Variants in ARHGAP18 observed in about 807,000 individuals in gnomAD.
ARHGAP18 encodes the protein rho GTPase-activating protein 18.
In ARHGAP18, 67 loss-of-function variants were observed where a neutral mutation model predicts 86.2. That is an observed-to-expected ratio of 0.78 (90% CI 0.64 to 0.95). The LOEUF (loss-of-function observed/expected upper bound fraction) is 0.95, where lower values mean the gene tolerates loss of function less well. ARHGAP18 is among the 40% of genes least tolerant of loss of function. The probability of loss-of-function intolerance (pLI) is 0.00; values close to 1 mark genes in which losing one functional copy is unlikely to be tolerated. For synonymous variants in ARHGAP18, 283 were observed against 280.4 expected (o/e 1.01, Z -0.09); for missense variants, 691 against 780.4 (o/e 0.89, Z 1.37).
chr6:129,616,387 T>C, intron 6 of ARHGAP18, 84 bp from the exon 7 acceptor site: 1 of 1,088,870 alleles, frequency 9.2e-7, no homozygotes, highest in Non-Finnish European at 1.3e-6. Context: ...AGATTTCTGA[T>C]ACTGTCGATC....
At chr6:129,633,198 C>T (rs1341724024) in intron 4 of ARHGAP18, among the ~76,000 whole-genome samples, 1 of 150,914 alleles carries the variant, frequency 6.6e-6, no homozygotes, top group East Asian at 1.9e-4. Context: ...GAGGCCCAGG[C>T]AGGCAGATCA....
At chr6:129,601,213 T>G (rs1788735669) in intron 10 of ARHGAP18, among the ~76,000 whole-genome samples, 1 of 152,232 alleles carries the variant, frequency 6.6e-6, no homozygotes, top group Non-Finnish European at 1.5e-5. Context: ...ATGCTGTACT[T>G]TCCTATGTAG....
chr6:129,601,863 A>C (rs924826398), intron 10 of ARHGAP18, among the ~76,000 whole-genome samples: 2 of 151,732 alleles, frequency 1.3e-5, no homozygotes, highest in African/African-American at 4.9e-5. Flanking sequence ...CTTGAGTTCA[A>C]GAAACACTTC....
chr6:129,650,172 C>T (rs770464542), intron 1 of ARHGAP18, among the ~76,000 whole-genome samples: 1 of 151,696 alleles, frequency 6.6e-6, no homozygotes. Context: ...GATCTGCCCA[C>T]CTAGGCCTCC....
intron 1 of ARHGAP18, among the ~76,000 whole-genome samples, chr6:129,655,702 A>C (rs1379051915): frequency 6.6e-6 from 1 of 152,238 alleles, no homozygotes; most frequent in Non-Finnish European, 1.5e-5. Flanking sequence ...AGTAAAATGC[A>C]GTTTTTATAA....
intron 1 of ARHGAP18, among the ~76,000 whole-genome samples, chr6:129,663,645 AACAC>A (rs529277181): frequency 4.3e-4 from 66 of 152,348 alleles, no homozygotes; most frequent in Non-Finnish European, 8.7e-4. Flanking sequence ...TGACAGAGGA[AACAC>A]ATTACTCTTC....
At chr6:129,656,862 C>T (rs1350181290) in intron 1 of ARHGAP18, among the ~76,000 whole-genome samples, 8 of 152,162 alleles carry the variant, frequency 5.3e-5, no homozygotes, top group Admixed American at 3.9e-4. Flanking sequence ...TTATATTAAT[C>T]CCCTCCTGGG....
chr6:129,614,004 T>C (rs986489371), intron 7 of ARHGAP18, among the ~76,000 whole-genome samples: 2 of 152,152 alleles, frequency 1.3e-5, no homozygotes, highest in South Asian at 2.1e-4. Flanking sequence ...GTGAAAACAC[T>C]AGATTTGATA....
At chr6:129,667,469 ATGTGTGTGTGTGTGTGTGTGTGTG>A (rs376500003) in intron 1 of ARHGAP18, among the ~76,000 whole-genome samples, 2 of 104,174 alleles carry the variant, frequency 1.9e-5, no homozygotes, top group African/African-American at 7.4e-5. Context: ...AAAAATATAT[ATGTGTGTGTGTGTGTGTGTGTGTG>A]TGTGTGTGTG....
At position 129,593,375 on chromosome 6, in the gene ARHGAP18, C is replaced by A. The variant is rs368808239; in HGVS notation, c.1713+5841G>T. Among the ~76,000 whole-genome samples, 14 of 152,212 alleles carry A rather than the reference C, an allele frequency of 9.2e-5. No individual in the cohort carries two copies. The South Asian group carries it at 2.9e-3, about 32-fold the overall frequency. On this transcript the variant is annotated intron_variant, in intron 12 of 14. Transcript: ENST00000368149. ...ACTCATGAGGCTGAGGTGGGAGGAT[C>A]CCTTGAGCCTGCAACTTTGAGGTTA...
In ARHGAP18 at chr6:129,605,580, G is replaced by A. The variant is rs558071682; in HGVS notation, c.1365+297C>T. On this transcript the variant is annotated intron_variant, in intron 10 of 14. Transcript: ENST00000368149. ...TAAATGCAAAAAAAAGAAATAAGAA[G>A]GAGAAAAAAAACAAAAAACCACCCA... Among the ~76,000 whole-genome samples, 3 of 151,558 alleles carry A rather than the reference G, an allele frequency of 2.0e-5. No homozygotes were observed. In the South Asian group the frequency reaches 6.3e-4, roughly 32 times the overall value.
At chr6:129,613,489 T>G (rs1010908223) in intron 7 of ARHGAP18, among the ~76,000 whole-genome samples, 1 of 152,218 alleles carries the variant, frequency 6.6e-6, no homozygotes, top group South Asian at 2.1e-4. Context: ...AATTGTATGC[T>G]AGCTGCTGGA....
At chr6:129,669,638 A>G (rs1384496380) in intron 1 of ARHGAP18, among the ~76,000 whole-genome samples, 1 of 151,860 alleles carries the variant, frequency 6.6e-6, no homozygotes, top group East Asian at 1.9e-4. Context: ...ATACAAAATT[A>G]GCTGGGCATG....
chr6:129,625,633 AT>A (rs1375401538), intron 5 of ARHGAP18, among the ~76,000 whole-genome samples: 827 of 35,224 alleles, frequency 0.023, 80 homozygotes, highest in Non-Finnish European at 0.03. Context: ...TATTATATAT[AT>A]TTATATTATA....
At chr6:129,677,531 T>C (rs1019965007) in intron 1 of ARHGAP18, among the ~76,000 whole-genome samples, 4 of 152,354 alleles carry the variant, frequency 2.6e-5, no homozygotes, top group South Asian at 2.1e-4. Context: ...TCACTGAGTA[T>C]ACCAATTTAA....
At chr6:129,606,368 G>A (rs923310519) in intron 9 of ARHGAP18, among the ~76,000 whole-genome samples, 1 of 152,156 alleles carries the variant, frequency 6.6e-6, no homozygotes, top group African/African-American at 2.4e-5. Context: ...ACAAATGCAT[G>A]GTAAGAGTCC....
At chr6:129,614,844 T>G (rs969722426) in intron 7 of ARHGAP18, among the ~76,000 whole-genome samples, 1 of 151,794 alleles carries the variant, frequency 6.6e-6, no homozygotes, top group Non-Finnish European at 1.5e-5. Context: ...ATCCAAACAG[T>G]TGAAGGCCTA....
At chr6:129,655,317 C>CAAAA (rs55681217) in intron 1 of ARHGAP18, among the ~76,000 whole-genome samples, 88 of 75,004 alleles carry the variant, frequency 1.2e-3, no homozygotes, top group East Asian at 2.6e-3. Flanking sequence ...AAAACTCTCT[C>CAAAA]AAAAAAAAAA....
intron 1 of ARHGAP18, among the ~76,000 whole-genome samples, chr6:129,694,006 T>C (rs958818908): frequency 6.6e-6 from 1 of 152,168 alleles, no homozygotes. Flanking sequence ...TTGTAGTAAA[T>C]AGCATCTTGG....
Sources: allele counts gnomAD v4.1 joint callset (sites outside exome capture counted in the v4.1 genomes callset), GRCh38; gene constraint gnomAD v4.1.1; transcripts MANE v1.5; gene names NCBI Gene and HGNC (gene_info 2026-07-23, HGNC 2026-07-21).